Variants in SND1 observed in about 807,000 individuals in gnomAD.
SND1 encodes staphylococcal nuclease domain-containing protein 1.
A neutral mutation model predicts 121.7 loss-of-function variants in SND1; 38 were observed. The observed-to-expected ratio is 0.31, with a 90% confidence interval of 0.24 to 0.41. SND1 has a LOEUF of 0.41. SND1 is among the 10% of genes least tolerant of loss of function. The probability of loss-of-function intolerance (pLI) is 1.00; values close to 1 mark genes in which losing one functional copy is unlikely to be tolerated. For missense variants in SND1, 868 were observed against 1,184.6 expected (o/e 0.73, Z 3.92); for synonymous variants, 401 against 447.4 (o/e 0.90, Z 1.31).
At chr7:128,066,298 G>A (rs766285503) in intron 16 of SND1, among the ~76,000 whole-genome samples, 5 of 152,222 alleles carry the variant, frequency 3.3e-5, no homozygotes, top group Non-Finnish European at 7.3e-5. Context: ...CTTTTCAGGA[G>A]CCTCTTGGCC....
intron 17 of SND1, among the ~76,000 whole-genome samples, chr7:128,078,056 T>TGGGTCTGGCAGGTGTCTTGCCA (rs1418458584): frequency 6.6e-6 from 1 of 152,212 alleles, no homozygotes; most frequent in African/African-American, 2.4e-5. Context: ...GGAAAGTGGC[T>TGGGTCTGGCAGGTGTCTTGCCA]GGGTCTGGCA....
intron 15 of SND1, among the ~76,000 whole-genome samples, chr7:127,962,959 A>G (rs1206046830): frequency 6.6e-6 from 1 of 152,222 alleles, no homozygotes; most frequent in Non-Finnish European, 1.5e-5. Context: ...GTCTGTAAAA[A>G]ACTTGAGAGT....
intron 16 of SND1, chr7:128,007,996 A>G (rs1053924258): frequency 6.6e-6 from 1 of 152,230 alleles, no homozygotes; most frequent in African/African-American, 2.4e-5. Flanking sequence ...GCCAGTCTCC[A>G]CATTCCTACT....
At position 128,086,431 on chromosome 7, in the gene SND1, A is replaced by T. The variant is rs1382083087; in HGVS notation, c.2305-507A>T. ...TTAGTAGAGAGCCCAGAGTTGGGCCATGCTCCCAACCCATCTCCTGGGAAT... is the reference window on the plus strand; with the variant it reads ...TTAGTAGAGAGCCCAGAGTTGGGCCTTGCTCCCAACCCATCTCCTGGGAAT... On this transcript the variant is annotated intron_variant, in intron 20 of 23. Transcript: ENST00000354725. 1.4e-5 allele frequency: 3 copies of T among 220,640 alleles called. No individual in the cohort carries two copies. In the Admixed American group the frequency reaches 1.6e-4, roughly 12 times the overall value. The allele number at this position is 220,640 out of a possible 1,614,324, so 13.7% of individuals were successfully genotyped here.
intron 12 of SND1, among the ~76,000 whole-genome samples, chr7:127,854,990 G>T (rs1220091847): frequency 6.7e-6 from 1 of 150,194 alleles, no homozygotes; most frequent in Admixed American, 6.6e-5. Context: ...CTATTTTGGG[G>T]GTGCTTCTTT....
intron 10 of SND1, among the ~76,000 whole-genome samples, chr7:127,763,576 AT>A (rs1221372954): frequency 6.6e-6 from 1 of 152,088 alleles, no homozygotes; most frequent in Non-Finnish European, 1.5e-5. Context: ...CAAACTGAGC[AT>A]GATTTTTGTT....
intron 16 of SND1, among the ~76,000 whole-genome samples, chr7:128,067,046 T>C (rs569957762): frequency 1.7e-4 from 26 of 152,296 alleles, no homozygotes; most frequent in Non-Finnish European, 2.9e-4. Flanking sequence ...CTGCTTGCCC[T>C]TCTCTCCTGT....
intron 1 of SND1, among the ~76,000 whole-genome samples, chr7:127,678,017 G>A (rs1795644656): frequency 6.6e-6 from 1 of 152,194 alleles, no homozygotes; most frequent in African/African-American, 2.4e-5. Flanking sequence ...GCTCATGGAA[G>A]CTTTACTTGC....
chr7:127,711,035 C>T (rs1359206851), intron 9 of SND1, among the ~76,000 whole-genome samples: 1 of 152,184 alleles, frequency 6.6e-6, no homozygotes, highest in Non-Finnish European at 1.5e-5. Context: ...AGCCTCCAAA[C>T]TCTGTCTAAA....
intron 6 of SND1, 25 bp from the exon 7 acceptor site, chr7:127,703,140 C>T: frequency 1.2e-6 from 2 of 1,613,792 alleles, no homozygotes; most frequent in South Asian, 1.1e-5. Flanking sequence ...GGCTGCATTA[C>T]TCACCTACCT....
At chr7:127,833,260 C>CT (rs35890438) in intron 11 of SND1, among the ~76,000 whole-genome samples, 25,481 of 97,276 alleles carry the variant, frequency 0.26, 3,627 homozygotes, top group Middle Eastern at 0.34. Context: ...ATTGAACTGT[C>CT]TTTTTTTTTT....
At chr7:127,968,070 A>T (rs1469915730) in intron 15 of SND1, among the ~76,000 whole-genome samples, 1 of 152,234 alleles carries the variant, frequency 6.6e-6, no homozygotes, top group Non-Finnish European at 1.5e-5. Flanking sequence ...CACAGCTTTA[A>T]TTAGGGATGG....
chr7:128,077,856 C>T (rs1423482110), intron 17 of SND1, among the ~76,000 whole-genome samples: 1 of 152,238 alleles, frequency 6.6e-6, no homozygotes, highest in Non-Finnish European at 1.5e-5. Context: ...CCAGCTCCTC[C>T]ATCTTTCAAG....
intron 14 of SND1, among the ~76,000 whole-genome samples, chr7:127,909,364 C>T (rs1222783265): frequency 6.6e-6 from 1 of 152,024 alleles, no homozygotes; most frequent in Non-Finnish European, 1.5e-5. Context: ...CACATCATGG[C>T]TTGGTTTCAT....
At chr7:127,925,797 G>GT (rs1800819370) in intron 14 of SND1, among the ~76,000 whole-genome samples, 1 of 151,790 alleles carries the variant, frequency 6.6e-6, no homozygotes, top group Non-Finnish European at 1.5e-5. Context: ...GTTTCACCAT[G>GT]TTGGCCAGGC....
intron 12 of SND1, among the ~76,000 whole-genome samples, chr7:127,887,289 A>G (rs891114148): frequency 1.3e-5 from 2 of 152,014 alleles, no homozygotes; most frequent in African/African-American, 4.8e-5. Flanking sequence ...GAGCCACAGC[A>G]CAAAGAATTT....
At chr7:127,969,974 A>T (rs1036138088) in intron 15 of SND1, among the ~76,000 whole-genome samples, 2 of 152,316 alleles carry the variant, frequency 1.3e-5, no homozygotes, top group Non-Finnish European at 2.9e-5. Flanking sequence ...GCCTTTATTT[A>T]AAAAGTGCTT....
At position 128,089,465 on chromosome 7, in the gene SND1, G is replaced by T. The variant is rs546982440; in HGVS notation, c.2419-24G>T. 8 of 1,597,822 alleles carry T rather than the reference G, an allele frequency of 5.0e-6. No individual in the cohort carries two copies. In the South Asian group the frequency reaches 9.0e-5, roughly 18 times the overall value. On this transcript the variant is annotated intron_variant, in intron 21 of 23. Coordinates refer to ENST00000354725, the MANE Select transcript of SND1 (RefSeq NM_014390.4). ...AAGTGGTTGTTCTCTGGCTTGCTCT[G>T]ACCTGAGTGTGTCTCTGCTCCAGGA...
At chr7:127,875,674 A>G (rs982271560) in intron 12 of SND1, among the ~76,000 whole-genome samples, 13 of 152,158 alleles carry the variant, frequency 8.5e-5, no homozygotes, top group Admixed American at 2.6e-4. Context: ...TTTGGAAGCA[A>G]TATATACTGC....
Sources: gnomAD v4.1 joint callset for allele counts (sites outside exome capture counted in the v4.1 genomes callset) on GRCh38, gnomAD v4.1.1 for gene constraint, MANE v1.5 for transcripts, NCBI Gene and HGNC (gene_info 2026-07-23, HGNC 2026-07-21) for gene names.